TMEM167A: variants seen among roughly 807,000 people sequenced by gnomAD.
TMEM167A encodes protein kish-A.
TMEM167A carries 8 observed loss-of-function variants against 11.6 expected under a neutral mutation model. The ratio of observed to expected loss-of-function variants is 0.69; its 90% CI spans 0.40 to 1.24. The LOEUF (loss-of-function observed/expected upper bound fraction) is 1.24, where lower values mean the gene tolerates loss of function less well. Ranked by LOEUF, TMEM167A falls within the 50% of genes most tolerant of loss-of-function variation. The pLI, the probability that TMEM167A is intolerant of heterozygous loss-of-function variation, is 0.01. For missense variants in TMEM167A, 62 were observed against 87.0 expected (o/e 0.71, Z 1.14); for synonymous variants, 22 against 28.0 (o/e 0.79, Z 0.67).
intron 2 of TMEM167A, among the ~76,000 whole-genome samples, chr5:83,064,531 A>C (rs1744452758): frequency 6.6e-6 from 1 of 152,178 alleles, no homozygotes; most frequent in African/African-American, 2.4e-5. Context: ...CTAAGTTTAC[A>C]GTTGGCGGGT....
rs1744337759 is a variant in TMEM167A, at chr5:83,056,783, C to T, written c.*301G>A. ...AGTAATTAACCAATTTTGTTTTCTACTATGTGCCTTAGAGATACCTCACTA... is the reference window on the plus strand; with the variant it reads ...AGTAATTAACCAATTTTGTTTTCTATTATGTGCCTTAGAGATACCTCACTA... On this transcript the variant is annotated 3_prime_UTR_variant, in exon 4 of 4. Transcript: ENST00000502346. 1 of 340,848 alleles carries T rather than the reference C, an allele frequency of 2.9e-6. No homozygotes were observed. The highest frequency in any genetic ancestry group is 7.3e-5 in the East Asian group (1 of 13,712). 21.1% of individuals were successfully genotyped at this position (340,848 alleles called of 1,614,324 possible). A position where few individuals can be genotyped will look rare whatever the true frequency, so the allele number is the denominator to read the frequency against.
rs1026489129 is a variant in TMEM167A, at chr5:83,065,049, AAT to A, written c.70_71del (p.Ile24SerfsTer12). On this transcript the variant is annotated frameshift_variant, in exon 2 of 4. Coordinates refer to ENST00000502346, the MANE Select transcript of TMEM167A (RefSeq NM_174909.5). LOFTEE classifies it high-confidence loss of function. ...ILLLICTCAY[I>X]RSLAPSLLDR... ...CCAGGAGGCTGGGTGCCAAGGATCG[AAT>A]ATAAGCACAGGTACATATAAGCAGC... 1 of 1,608,590 alleles carries A rather than the reference AAT, an allele frequency of 6.2e-7. No individual in the cohort carries two copies. The highest frequency in any genetic ancestry group is 1.7e-5 in the Admixed American group (1 of 59,684).
Position 83,067,061 on chromosome 5 carries a change from T to A in TMEM167A, c.4-1944A>T, listed in dbSNP as rs73136152. Among the ~76,000 whole-genome samples the A allele has an allele frequency of 7.2e-3, 1,098 of 152,260 alleles. 8 individuals are homozygous for A. The highest frequency in any genetic ancestry group is 0.024 in the African/African-American group (1,007 of 41,546). On this transcript the variant is annotated intron_variant, in intron 1 of 3. Coordinates refer to ENST00000502346, the MANE Select transcript of TMEM167A (RefSeq NM_174909.5). Reference sequence around the variant, plus strand: ...CAATTACCCAATTTCAGTTTTTTTTTAAATAGCAACATAACATGGATTAAG... The same window carrying A: ...CAATTACCCAATTTCAGTTTTTTTTAAAATAGCAACATAACATGGATTAAG...
chr5:83,061,462 C>A (rs561081421), intron 3 of TMEM167A, among the ~76,000 whole-genome samples: 1 of 152,112 alleles, frequency 6.6e-6, no homozygotes, highest in South Asian at 2.1e-4. Context: ...CAGGATGGGG[C>A]ACAGTGGTGT....
chr5:83,077,384 A>G lies in TMEM167A; in HGVS notation c.-61T>C, dbSNP rs377377892. 1.9e-6 allele frequency: 3 copies of G among 1,613,534 alleles called. No homozygotes were observed. The highest frequency in any genetic ancestry group is 2.2e-5 in the East Asian group (1 of 44,884). ...CCGGGGCTCAGGCGGAAGAGGCTGC[A>G]TGTCCCGTCTGCCCTTCTCGCCCTC... On this transcript the variant is annotated 5_prime_UTR_variant, in exon 1 of 4. An upstream start codon of the reference 5' UTR is lost. Coordinates refer to ENST00000502346, the MANE Select transcript of TMEM167A (RefSeq NM_174909.5).
At chr5:83,072,249 A>T (rs1257789207) in intron 1 of TMEM167A, among the ~76,000 whole-genome samples, 1 of 152,238 alleles carries the variant, frequency 6.6e-6, no homozygotes, top group African/African-American at 2.4e-5. Context: ...GGCATACGCA[A>T]AACAATGATA....
At chr5:83,057,214 AG>A in intron 3 of TMEM167A, 60 bp from the exon 4 acceptor site, 1 of 1,445,556 alleles carries the variant, frequency 6.9e-7, no homozygotes. Context: ...GGCTATGACA[AG>A]GTTATACTAC....
Position 83,054,517 on chromosome 5 carries a change from C to T in TMEM167A, c.*2567G>A, listed in dbSNP as rs1296932985. The T allele has an allele frequency of 2.6e-5, 4 of 151,972 alleles. No individual in the cohort carries two copies. Among genetic ancestry groups the T allele is most frequent in the African/African-American group, 9.7e-5 (4 of 41,414 alleles). 9.4% of individuals were successfully genotyped at this position (151,972 alleles called of 1,614,324 possible). Reference sequence around the variant, plus strand: ...TCCATCATCCGATCCTGCCCTGTAACAACAGGTCTATATGATAGAGATATT... The same window carrying T: ...TCCATCATCCGATCCTGCCCTGTAATAACAGGTCTATATGATAGAGATATT... On this transcript the variant is annotated 3_prime_UTR_variant, in exon 4 of 4. Transcript: ENST00000502346.
chr5:83,057,162 A>C lies in TMEM167A; in HGVS notation c.149-8T>G. 1.2e-6 allele frequency: 2 copies of C among 1,611,416 alleles called. No homozygotes were observed. The highest frequency in any genetic ancestry group is 1.7e-6 in the Non-Finnish European group (2 of 1,178,462). On this transcript the variant is annotated splice_region_variant and splice_polypyrimidine_tract_variant and intron_variant, in intron 3 of 3. Transcript: ENST00000502346. ...AAGGACTCTTCCGTTCACCTGTTGA[A>C]AAAAAGGAGATGTTCATCTTGATTA... is the stretch of plus-strand genomic sequence containing the variant.
At chr5:83,066,027 TC>T (rs1744476296) in intron 1 of TMEM167A, among the ~76,000 whole-genome samples, 1 of 152,180 alleles carries the variant, frequency 6.6e-6, no homozygotes, top group African/African-American at 2.4e-5. Context: ...ATTATAATAT[TC>T]ATTTCTGAAG....
At chr5:83,069,626 C>T (rs978154288) in intron 1 of TMEM167A, among the ~76,000 whole-genome samples, 21 of 151,996 alleles carry the variant, frequency 1.4e-4, no homozygotes, top group African/African-American at 5.1e-4. Flanking sequence ...CTTTCCTGTT[C>T]CCACTCACTA....
chr5:83,068,346 T>A (rs1424422935), intron 1 of TMEM167A, among the ~76,000 whole-genome samples: 1 of 152,194 alleles, frequency 6.6e-6, no homozygotes, highest in East Asian at 1.9e-4. Context: ...TTTTATGTTA[T>A]CCTCATGTAT....
At chr5:83,067,515 G>C (rs1744500411) in intron 1 of TMEM167A, among the ~76,000 whole-genome samples, 1 of 151,918 alleles carries the variant, frequency 6.6e-6, no homozygotes, top group Admixed American at 6.6e-5. Flanking sequence ...TTTTTGGTGG[G>C]GGGTGGAGGG....
chr5:83,055,211 C>A lies in TMEM167A; in HGVS notation c.*1873G>T, dbSNP rs1375775883. 1.3e-5 allele frequency: 2 copies of A among 152,030 alleles called. No individual in the cohort carries two copies. The highest frequency in any genetic ancestry group is 2.9e-5 in the Non-Finnish European group (2 of 67,972). 9.4% of individuals were successfully genotyped at this position (152,030 alleles called of 1,614,324 possible). A position where few individuals can be genotyped will look rare whatever the true frequency, so the allele number is the denominator to read the frequency against. On this transcript the variant is annotated 3_prime_UTR_variant, in exon 4 of 4. Transcript: ENST00000502346. Reference sequence around the variant, plus strand: ...AAATTATCTCTTCCTTTACTTTCCACCTACCTCCTCTGAGATGCCAAATTA... The same window carrying A: ...AAATTATCTCTTCCTTTACTTTCCAACTACCTCCTCTGAGATGCCAAATTA...
intron 1 of TMEM167A, among the ~76,000 whole-genome samples, chr5:83,073,844 T>C (rs1289832327): frequency 6.6e-6 from 1 of 152,238 alleles, no homozygotes; most frequent in Non-Finnish European, 1.5e-5. Context: ...CTGTGCTTCA[T>C]CACCCTTCAT....
chr5:83,058,728 C>T (rs1744367206), intron 3 of TMEM167A, among the ~76,000 whole-genome samples: 1 of 152,028 alleles, frequency 6.6e-6, no homozygotes. Flanking sequence ...TTTTCCTCAT[C>T]CTTCAAATTA....
intron 3 of TMEM167A, among the ~76,000 whole-genome samples, chr5:83,060,376 A>T (rs892745068): frequency 1.7e-4 from 26 of 152,186 alleles, no homozygotes; most frequent in African/African-American, 4.6e-4. Flanking sequence ...TTAGAAGAAG[A>T]GTACTAAACA....
At chr5:83,073,659 T>C (rs1270470900) in intron 1 of TMEM167A, among the ~76,000 whole-genome samples, 2 of 152,152 alleles carry the variant, frequency 1.3e-5, no homozygotes, top group Non-Finnish European at 2.9e-5. Context: ...AACAAACCCA[T>C]TGTATATATC....
At chr5:83,070,961 G>A (rs1235867255) in intron 1 of TMEM167A, among the ~76,000 whole-genome samples, 1 of 151,702 alleles carries the variant, frequency 6.6e-6, no homozygotes, top group Non-Finnish European at 1.5e-5. Flanking sequence ...AATAGAAGAA[G>A]GAAAAAAGGA....
Sources: gnomAD v4.1 joint callset for allele counts (sites outside exome capture counted in the v4.1 genomes callset) on GRCh38, gnomAD v4.1.1 for gene constraint, MANE v1.5 for transcripts, NCBI Gene and HGNC (gene_info 2026-07-23, HGNC 2026-07-21) for gene names.